SLC16A12: variants seen among roughly 807,000 people sequenced by gnomAD.
SLC16A12 encodes solute carrier family 16 member 12, also known as monocarboxylate transporter 12.
Under a neutral mutation model 42.4 loss-of-function variants are expected in SLC16A12, and 17 were observed. The observed-to-expected ratio is 0.40, with a 90% confidence interval of 0.27 to 0.60. The LOEUF (loss-of-function observed/expected upper bound fraction) is 0.60. Among genes scored for constraint, SLC16A12 ranks in the 20% least tolerant of loss-of-function variants. The probability of loss-of-function intolerance (pLI) is 0.42; values close to 1 mark genes in which losing one functional copy is unlikely to be tolerated. For missense variants in SLC16A12, 544 were observed against 623.0 expected (o/e 0.87, Z 1.35); for synonymous variants, 224 against 229.4 (o/e 0.98, Z 0.21).
intron 2 of SLC16A12, among the ~76,000 whole-genome samples, chr10:89,527,833 A>G (rs1277492866): frequency 1.3e-5 from 2 of 151,238 alleles, no homozygotes; most frequent in East Asian, 1.9e-4. Context: ...GAGAGAGAGA[A>G]AAGAAAAAAA....
chr10:89,535,678 C>G (rs1454219025), upstream of SLC16A12: 1 of 152,186 alleles, frequency 6.6e-6, no homozygotes, highest in Non-Finnish European at 1.5e-5. Flanking sequence ...CCCGCCGCCT[C>G]CTCACCTCGC....
intron 2 of SLC16A12, among the ~76,000 whole-genome samples, chr10:89,490,822 A>G (rs988605307): frequency 3.3e-5 from 5 of 152,168 alleles, no homozygotes; most frequent in African/African-American, 1.2e-4. Context: ...CAGTTGCTGA[A>G]AGTCCAACCC....
intron 2 of SLC16A12, among the ~76,000 whole-genome samples, chr10:89,549,446 A>T (rs1263244226): frequency 6.6e-6 from 1 of 152,266 alleles, no homozygotes; most frequent in East Asian, 1.9e-4. Context: ...AAGATTATTA[A>T]GAAATTACAA....
At chr10:89,523,703 A>G (rs1227963952) in intron 2 of SLC16A12, among the ~76,000 whole-genome samples, 1 of 152,194 alleles carries the variant, frequency 6.6e-6, no homozygotes, top group East Asian at 1.9e-4. Flanking sequence ...AGGTACCATG[A>G]CAGCTGCTAG....
chr10:89,548,480 C>A lies in SLC16A12; in HGVS notation c.-47+7402G>T, dbSNP rs1042319249. Among the ~76,000 whole-genome samples the A allele has an allele frequency of 3.3e-5, 5 of 151,990 alleles. No individual in the cohort carries two copies. The South Asian group carries it at 1.0e-3, about 32-fold the overall frequency. On this transcript the variant is annotated intron_variant, in intron 2 of 2. Coordinates refer to the SLC16A12 transcript ENST00000475682. ...CCAGAGCAGCAGGCCGAGGACCAGA[C>A]CTTGGGGAATGCCTGCAATGTCTAG...
chr10:89,503,669 G>A lies in SLC16A12; in HGVS notation c.-47+30832C>T, dbSNP rs552241619. Among the ~76,000 whole-genome samples, 164 of 152,292 alleles carry A rather than the reference G, an allele frequency of 1.1e-3. 1 individual carries two copies. In the South Asian group the frequency reaches 0.032, roughly 30 times the overall value. The stretch of plus-strand genomic sequence containing the variant: ...GGGGCCAGGTGAGTCAAGAAGGGTG[G>A]GTGTTTTCAGAGTCGCTGGAGAAGG... On this transcript the variant is annotated intron_variant, in intron 2 of 7. Coordinates refer to ENST00000371790, the MANE Select transcript of SLC16A12 (RefSeq NM_213606.4).
At chr10:89,469,601 C>T (rs1842461350) in intron 2 of SLC16A12, among the ~76,000 whole-genome samples, 1 of 152,200 alleles carries the variant, frequency 6.6e-6, no homozygotes, top group Non-Finnish European at 1.5e-5. Context: ...CCTTCCTTGA[C>T]TCCTTCTATT....
intron 2 of SLC16A12, among the ~76,000 whole-genome samples, chr10:89,512,997 G>A (rs1843188697): frequency 6.6e-6 from 1 of 152,164 alleles, no homozygotes; most frequent in Non-Finnish European, 1.5e-5. Context: ...TAGAGAACTG[G>A]AGGACTACTC....
chr10:89,525,081 C>T (rs563992989), intron 2 of SLC16A12, among the ~76,000 whole-genome samples: 3 of 152,148 alleles, frequency 2.0e-5, no homozygotes, highest in African/African-American at 4.8e-5. Flanking sequence ...ATTCCCTGGG[C>T]GTGGCGCCGT....
intron 2 of SLC16A12, among the ~76,000 whole-genome samples, chr10:89,499,489 G>A (rs369226813): frequency 6.6e-6 from 1 of 152,126 alleles, no homozygotes; most frequent in African/African-American, 2.4e-5. Context: ...GGGAGGTGGA[G>A]GTTACGGTGA....
Position 89,528,869 on chromosome 10 carries a change from G to C in SLC16A12, c.-47+5632C>G, listed in dbSNP as rs564306331. 7.2e-5 allele frequency among the ~76,000 whole-genome samples: 11 copies of C among 152,184 alleles called. 1 individual carries two copies. Among genetic ancestry groups the C allele is most frequent in the Admixed American group, 7.2e-4 (11 of 15,282 alleles). On this transcript the variant is annotated intron_variant, in intron 2 of 7. Transcript: ENST00000371790. Reference sequence around the variant, plus strand: ...TTTTCCTTCCTCAGGTGATTCTAATGTGTAGGTGGGGTTGAGAACCATTGA... The same window carrying C: ...TTTTCCTTCCTCAGGTGATTCTAATCTGTAGGTGGGGTTGAGAACCATTGA...
rs1842439459 is a variant in SLC16A12, at chr10:89,468,354, TC to T, written c.-46-5731del. Among the ~76,000 whole-genome samples, 3 of 152,192 alleles carry T rather than the reference TC, an allele frequency of 2.0e-5. No individual in the cohort carries two copies. In the South Asian group the frequency reaches 6.2e-4, roughly 32 times the overall value. On this transcript the variant is annotated intron_variant, in intron 2 of 7. Transcript: ENST00000371790. ...TCCTCAGGGATAGATGCTATCTTTC[TC>T]TCTTTCTCAATGGTGAAACTGAAGC...
intron 3 of SLC16A12, among the ~76,000 whole-genome samples, chr10:89,453,897 A>C (rs1407128135): frequency 1.3e-5 from 2 of 152,038 alleles, no homozygotes; most frequent in African/African-American, 4.8e-5. Context: ...AAACATTGCT[A>C]AATGCACCCT....
At chr10:89,510,270 T>C (rs750417441) in intron 2 of SLC16A12, among the ~76,000 whole-genome samples, 1 of 152,220 alleles carries the variant, frequency 6.6e-6, no homozygotes, top group Non-Finnish European at 1.5e-5. Context: ...AGAGCCTGCA[T>C]AGCCAAGACA....
At chr10:89,531,585 A>ATTGG (rs1391545600) in intron 2 of SLC16A12, among the ~76,000 whole-genome samples, 1 of 152,198 alleles carries the variant, frequency 6.6e-6, no homozygotes, top group East Asian at 1.9e-4. Context: ...GGAGGAGAGC[A>ATTGG]TTGGTTAATC....
intron 2 of SLC16A12, among the ~76,000 whole-genome samples, chr10:89,525,875 G>A (rs1374674257): frequency 3.3e-5 from 5 of 152,140 alleles, no homozygotes; most frequent in East Asian, 3.8e-4. Flanking sequence ...ACTAAGATAC[G>A]GGGGAAATGT....
intron 3 of SLC16A12, among the ~76,000 whole-genome samples, chr10:89,452,095 T>C (rs923149637): frequency 6.6e-6 from 1 of 152,206 alleles, no homozygotes; most frequent in Non-Finnish European, 1.5e-5. Flanking sequence ...CTTCCTTGTA[T>C]TAACAAACCA....
chr10:89,459,427 G>A (rs1379748286), intron 3 of SLC16A12, among the ~76,000 whole-genome samples: 2 of 151,982 alleles, frequency 1.3e-5, no homozygotes, highest in East Asian at 3.9e-4. Flanking sequence ...TGTGTATGCA[G>A]GGGCAGGTAG....
intron 2 of SLC16A12, among the ~76,000 whole-genome samples, chr10:89,477,463 C>A (rs997186223): frequency 6.7e-6 from 1 of 149,210 alleles, no homozygotes; most frequent in African/African-American, 2.5e-5. Flanking sequence ...ACTCGGGAGG[C>A]TGAGGCAGGA....
Sources: gnomAD v4.1 joint callset for allele counts (sites outside exome capture counted in the v4.1 genomes callset) on GRCh38, gnomAD v4.1.1 for gene constraint, MANE v1.5 for transcripts, NCBI Gene and HGNC (gene_info 2026-07-23, HGNC 2026-07-21) for gene names.